Variants in ALDH1A2 observed in about 807,000 individuals in gnomAD.
ALDH1A2 encodes the protein aldehyde dehydrogenase 1 family member A2, also known as retinal dehydrogenase 2.
ALDH1A2 carries 27 observed loss-of-function variants against 60.3 expected under a neutral mutation model. That is an observed-to-expected ratio of 0.45 (90% confidence interval 0.33 to 0.62). The LOEUF (loss-of-function observed/expected upper bound fraction) is 0.62. ALDH1A2 is among the 20% of genes least tolerant of loss of function. The pLI is 0.02. For synonymous variants in ALDH1A2, 289 were observed against 232.4 expected (o/e 1.24, Z -2.21); for missense variants, 581 against 643.8 (o/e 0.90, Z 1.06).
intron 7 of ALDH1A2, among the ~76,000 whole-genome samples, chr15:57,977,694 C>A (rs1894311318): frequency 6.6e-6 from 1 of 152,166 alleles, no homozygotes; most frequent in Non-Finnish European, 1.5e-5. Context: ...CTTGGCTATA[C>A]AGGGTCTTTT....
chr15:57,959,370 A>ACT (rs1186353915), intron 12 of ALDH1A2, among the ~76,000 whole-genome samples: 1 of 152,120 alleles, frequency 6.6e-6, no homozygotes, highest in Non-Finnish European at 1.5e-5. Flanking sequence ...GTGCATGAAG[A>ACT]CTCTGTAAAA....
intron 7 of ALDH1A2, chr15:57,990,493 TTAAAAA>T (rs1276150774): frequency 1.3e-5 from 2 of 152,214 alleles, no homozygotes; most frequent in African/African-American, 4.8e-5. Flanking sequence ...TATGCAGCTG[TTAAAAA>T]TAAATGCCGG....
chr15:57,961,298 C>T lies in ALDH1A2; in HGVS notation c.1252-4G>A. On this transcript the variant is annotated splice_polypyrimidine_tract_variant and splice_region_variant and intron_variant, in intron 10 of 12. Transcript: ENST00000249750. Reference sequence around the variant, plus strand: ...TTTCCTGAACAGGGCCAAAGATCTGCAAAAAGATAATATGACTCAACATGG... The same window carrying T: ...TTTCCTGAACAGGGCCAAAGATCTGTAAAAAGATAATATGACTCAACATGG... 1.2e-6 allele frequency: 2 copies of T among 1,613,632 alleles called. No homozygotes were observed. Among genetic ancestry groups the T allele is most frequent in the South Asian group, 1.1e-5 (1 of 91,066 alleles).
intron 1 of ALDH1A2, among the ~76,000 whole-genome samples, chr15:58,044,943 C>T (rs1465846368): frequency 1.3e-5 from 2 of 151,780 alleles, no homozygotes; most frequent in African/African-American, 4.8e-5. Context: ...ATCTCGGTAT[C>T]CCAGACTGAA....
At chr15:57,974,339 A>G (rs1446216889) in intron 7 of ALDH1A2, among the ~76,000 whole-genome samples, 4 of 150,424 alleles carry the variant, frequency 2.7e-5, no homozygotes, top group African/African-American at 9.8e-5. Context: ...AGGCTGAGGC[A>G]GGAGAATGGC....
intron 1 of ALDH1A2, among the ~76,000 whole-genome samples, chr15:58,062,618 C>G (rs186993598): frequency 2.6e-5 from 4 of 152,146 alleles, no homozygotes; most frequent in Non-Finnish European, 5.9e-5. Flanking sequence ...CAAAGGAGAG[C>G]GCATTCTCTT....
chr15:58,031,341 T>C (rs1353673698), intron 1 of ALDH1A2, among the ~76,000 whole-genome samples: 2 of 152,170 alleles, frequency 1.3e-5, no homozygotes, highest in Admixed American at 6.5e-5. Flanking sequence ...GATCCCTTCC[T>C]TACACCTTGT....
At chr15:58,030,382 A>C (rs1401790893) in intron 1 of ALDH1A2, among the ~76,000 whole-genome samples, 1 of 152,206 alleles carries the variant, frequency 6.6e-6, no homozygotes, top group Non-Finnish European at 1.5e-5. Flanking sequence ...TATTGATAGA[A>C]TGTATCTCAA....
intron 1 of ALDH1A2, among the ~76,000 whole-genome samples, chr15:58,064,449 C>T (rs1228873838): frequency 1.3e-5 from 2 of 152,168 alleles, no homozygotes; most frequent in Admixed American, 6.5e-5. Context: ...CTCATTCAAC[C>T]ACTAAGCCAG....
intron 4 of ALDH1A2, among the ~76,000 whole-genome samples, chr15:58,006,958 C>T (rs1895479999): frequency 6.6e-6 from 1 of 151,546 alleles, no homozygotes; most frequent in South Asian, 2.1e-4. Flanking sequence ...TTTAAAATGG[C>T]CCCTAAGCAT....
intron 7 of ALDH1A2, among the ~76,000 whole-genome samples, chr15:57,975,824 T>A (rs1183036873): frequency 7.3e-6 from 1 of 136,426 alleles, no homozygotes; most frequent in Non-Finnish European, 1.6e-5. Flanking sequence ...GGGGTGGGGG[T>A]GGAGAGAGAG....
intron 7 of ALDH1A2, among the ~76,000 whole-genome samples, chr15:57,981,038 T>C (rs528022872): frequency 1.3e-5 from 2 of 152,216 alleles, no homozygotes; most frequent in Non-Finnish European, 2.9e-5. Flanking sequence ...TGGTAGTTTG[T>C]ATTTCTGTGG....
intron 7 of ALDH1A2, among the ~76,000 whole-genome samples, chr15:57,982,811 T>G (rs773269196): frequency 6.6e-6 from 1 of 152,132 alleles, no homozygotes; most frequent in Non-Finnish European, 1.5e-5. Flanking sequence ...TTCTCCAGCT[T>G]TTACACACTT....
At chr15:58,032,422 G>A (rs1342859694) in intron 1 of ALDH1A2, among the ~76,000 whole-genome samples, 1 of 152,110 alleles carries the variant, frequency 6.6e-6, no homozygotes. Flanking sequence ...TAGTTAATGG[G>A]TGCAGCACAC....
chr15:57,985,376 C>G (rs890893810), intron 7 of ALDH1A2, among the ~76,000 whole-genome samples: 3 of 152,148 alleles, frequency 2.0e-5, no homozygotes, highest in African/African-American at 7.2e-5. Context: ...AGCTCTCTCC[C>G]TTCTTGAGAT....
chr15:58,031,973 A>T (rs1487416578), intron 1 of ALDH1A2, among the ~76,000 whole-genome samples: 1 of 152,230 alleles, frequency 6.6e-6, no homozygotes, highest in Non-Finnish European at 1.5e-5. Context: ...TAGAACTAGA[A>T]ATACCATTTG....
At chr15:57,969,476 G>C (rs1893993187) in intron 7 of ALDH1A2, among the ~76,000 whole-genome samples, 1 of 152,192 alleles carries the variant, frequency 6.6e-6, no homozygotes, top group Non-Finnish European at 1.5e-5. Flanking sequence ...GCCTAGGATT[G>C]ACCAATCTTT....
chr15:58,033,916 T>C (rs1296756292), intron 1 of ALDH1A2, among the ~76,000 whole-genome samples: 3 of 151,402 alleles, frequency 2.0e-5, no homozygotes, highest in Non-Finnish European at 3.0e-5. Context: ...TCAAATTGGA[T>C]AGTATCAGTC....
At chr15:58,013,058 C>T (rs897382040) in intron 3 of ALDH1A2, among the ~76,000 whole-genome samples, 3 of 152,106 alleles carry the variant, frequency 2.0e-5, no homozygotes, top group Non-Finnish European at 4.4e-5. Flanking sequence ...AGGAGAAGTT[C>T]GTTATGTGAG....
Sources: gnomAD v4.1 joint callset for allele counts (sites outside exome capture counted in the v4.1 genomes callset) on GRCh38, gnomAD v4.1.1 for gene constraint, MANE v1.5 for transcripts, NCBI Gene and HGNC (gene_info 2026-07-23, HGNC 2026-07-21) for gene names.